Variants in SLC38A12 observed in about 807,000 individuals in gnomAD.
The protein encoded by SLC38A12 is putative sodium-coupled neutral amino acid transporter 12.
chr17:74,796,029 G>A, the SLC38A12 span, among the ~76,000 whole-genome samples: 86 of 152,258 alleles, frequency 5.6e-4, 1 homozygote, highest in South Asian at 6.2e-3. Flanking sequence ...CATATGGTTC[G>A]ATGCTGGGTC....
chr17:74,778,036 G>A, the SLC38A12 span, among the ~76,000 whole-genome samples: 76,560 of 152,128 alleles, frequency 0.5, 20,130 homozygotes, highest in Non-Finnish European at 0.59. Flanking sequence ...GTTGGAAACC[G>A]CTTTGGTCTT....
At chr17:74,834,623 C>A in the SLC38A12 span, among the ~76,000 whole-genome samples, 2 of 152,212 alleles carry the variant, frequency 1.3e-5, no homozygotes, top group African/African-American at 4.8e-5. Context: ...CAGCCTCCCA[C>A]CTGCAAAAGA....
At chr17:74,805,037 T>C in the SLC38A12 span, among the ~76,000 whole-genome samples, 4 of 152,230 alleles carry the variant, frequency 2.6e-5, no homozygotes, top group Non-Finnish European at 5.9e-5. This position sits in a 1 kb window ranked among gnomAD's most constrained non-coding sequence, Gnocchi z 5.0. Flanking sequence ...TGATGCAGTA[T>C]ATTCGAAGGC....
the SLC38A12 span, chr17:74,777,263 G>T: frequency 6.3e-7 from 1 of 1,589,490 alleles, no homozygotes; most frequent in Non-Finnish European, 8.6e-7. Flanking sequence ...TTTGTTTTAA[G>T]GAGCTGCGGC....
the SLC38A12 span, among the ~76,000 whole-genome samples, chr17:74,800,996 G>A: frequency 7.9e-5 from 12 of 152,308 alleles, no homozygotes; most frequent in South Asian, 1.5e-3. Flanking sequence ...TGTGGTTCAC[G>A]TGAGTTAGGA....
the SLC38A12 span, among the ~76,000 whole-genome samples, chr17:74,829,055 A>G: frequency 4.6e-5 from 7 of 152,200 alleles, no homozygotes; most frequent in Non-Finnish European, 1.0e-4. This position sits in a 1 kb window ranked among gnomAD's most constrained non-coding sequence, Gnocchi z 4.1. Flanking sequence ...TTAACATATC[A>G]AAAATATCTT....
the SLC38A12 span, among the ~76,000 whole-genome samples, chr17:74,796,844 C>T: frequency 6.6e-6 from 1 of 152,228 alleles, no homozygotes; most frequent in East Asian, 1.9e-4. Context: ...GGGGTGAGCC[C>T]AGGCACTAGC....
the SLC38A12 span, chr17:74,788,703 T>C: frequency 8.6e-6 from 10 of 1,160,290 alleles, no homozygotes; most frequent in East Asian, 2.4e-4. Context: ...CTGGTGGGTC[T>C]GGTCGGTTCT....
chr17:74,795,082 C>T, the SLC38A12 span: 40 of 1,614,174 alleles, frequency 2.5e-5, no homozygotes, highest in South Asian at 1.1e-4. Context: ...ATGCTGCTGC[C>T]GTGCCCTTCT....
At chr17:74,796,554 T>C in the SLC38A12 span, among the ~76,000 whole-genome samples, 6 of 152,212 alleles carry the variant, frequency 3.9e-5, no homozygotes, top group Admixed American at 3.9e-4. Flanking sequence ...ACTGAAGGGC[T>C]TTTCTTGCCC....
the SLC38A12 span, among the ~76,000 whole-genome samples, chr17:74,827,639 T>C: frequency 6.6e-6 from 1 of 152,168 alleles, no homozygotes; most frequent in Admixed American, 6.5e-5. The surrounding 1 kb of genome is among the most constrained non-coding windows in gnomAD (Gnocchi z 4.7). Context: ...GCCCCAAGAT[T>C]ACACAGTTAA....
chr17:74,809,403 G>A, the SLC38A12 span, among the ~76,000 whole-genome samples: 18 of 152,228 alleles, frequency 1.2e-4, no homozygotes, highest in South Asian at 1.5e-3. Context: ...CCTCCCCCAG[G>A]CTCCTCAGGA....
the SLC38A12 span, chr17:74,795,077 G>A: frequency 6.2e-7 from 1 of 1,614,112 alleles, no homozygotes; most frequent in Non-Finnish European, 8.5e-7. Context: ...CATCTATGCT[G>A]CTGCCGTGCC....
the SLC38A12 span, chr17:74,836,202 G>T: frequency 6.2e-7 from 1 of 1,612,228 alleles, no homozygotes; most frequent in Non-Finnish European, 8.5e-7. The surrounding 1 kb of genome is among the most constrained non-coding windows in gnomAD (Gnocchi z 4.2). Context: ...CAGCCTCATG[G>T]ACATGTACAC....
At chr17:74,803,375 C>G in the SLC38A12 span, among the ~76,000 whole-genome samples, 1 of 152,102 alleles carries the variant, frequency 6.6e-6, no homozygotes, top group African/African-American at 2.4e-5. Context: ...TTCCCCTTCC[C>G]CTCTCCCCAT....
chr17:74,825,642 C>T, the SLC38A12 span, among the ~76,000 whole-genome samples: 8 of 152,218 alleles, frequency 5.3e-5, no homozygotes, highest in South Asian at 1.7e-3. Context: ...CCGAGATGGG[C>T]AGATCCAGCT....
At chr17:74,786,622 G>A in the SLC38A12 span, among the ~76,000 whole-genome samples, 51 of 152,208 alleles carry the variant, frequency 3.4e-4, no homozygotes, top group African/African-American at 1.1e-3. Flanking sequence ...ATCTAAGCAA[G>A]GATCTGAAGG....
the SLC38A12 span, among the ~76,000 whole-genome samples, chr17:74,793,548 T>A: frequency 6.6e-6 from 1 of 152,194 alleles, no homozygotes; most frequent in African/African-American, 2.4e-5. Context: ...AGTTCATTGA[T>A]CCCTTATTTT....
chr17:74,812,892 G>T, the SLC38A12 span, among the ~76,000 whole-genome samples: 1 of 152,350 alleles, frequency 6.6e-6, no homozygotes, highest in South Asian at 2.1e-4. Flanking sequence ...GAAACTCCGG[G>T]AGCTGACAGC....
Sources: gnomAD v4.1 joint callset for allele counts (sites outside exome capture counted in the v4.1 genomes callset) on GRCh38, gnomAD v4.1.1 for gene constraint, Gnocchi (gnomAD v3.1) non-coding constraint, MANE v1.5 for transcripts, NCBI Gene and HGNC (gene_info 2026-07-23, HGNC 2026-07-21) for gene names.